NTM: variants seen among roughly 807,000 people sequenced by gnomAD.
The protein encoded by NTM is neurotrimin.
A neutral mutation model predicts 42.1 loss-of-function variants in NTM; 13 were observed. That is an observed-to-expected ratio of 0.31 (90% CI 0.20 to 0.49). The LOEUF (loss-of-function observed/expected upper bound fraction) is 0.49. NTM is among the 20% of genes least tolerant of loss of function. The pLI is 0.99. For synonymous variants in NTM, 187 were observed against 179.2 expected (o/e 1.04, Z -0.35); for missense variants, 373 against 452.8 (o/e 0.82, Z 1.60).
intron 1 of NTM, among the ~76,000 whole-genome samples, chr11:131,789,666 GAAA>G (rs1317660345): frequency 5.8e-5 from 7 of 119,790 alleles, no homozygotes; most frequent in African/African-American, 2.2e-4. Flanking sequence ...AGAAGAAGAA[GAAA>G]GCATGGGCCG....
chr11:131,454,451 T>G (rs1018820646), intron 1 of NTM, among the ~76,000 whole-genome samples: 1 of 152,094 alleles, frequency 6.6e-6, no homozygotes, highest in Non-Finnish European at 1.5e-5. Context: ...AAAGGCCACG[T>G]GTGGCAATGG....
At chr11:132,035,657 T>C (rs1448296789) in intron 2 of NTM, among the ~76,000 whole-genome samples, 1 of 152,048 alleles carries the variant, frequency 6.6e-6, no homozygotes, top group Non-Finnish European at 1.5e-5. Flanking sequence ...GAGGGGTGTG[T>C]GTGTGTGTAT....
chr11:132,052,120 G>A (rs2078937154), intron 2 of NTM, among the ~76,000 whole-genome samples: 1 of 152,090 alleles, frequency 6.6e-6, no homozygotes, highest in South Asian at 2.1e-4. Flanking sequence ...AAAATATTGG[G>A]GTGTTAAAGA....
intron 1 of NTM, among the ~76,000 whole-genome samples, chr11:131,640,372 G>A (rs928481021): frequency 3.9e-5 from 6 of 152,200 alleles, no homozygotes; most frequent in Admixed American, 3.3e-4. Context: ...AAAGGAAGAC[G>A]CAGCCTTTGT....
At chr11:132,241,839 C>A (rs2090256475) in intron 4 of NTM, among the ~76,000 whole-genome samples, 1 of 152,226 alleles carries the variant, frequency 6.6e-6, no homozygotes. Context: ...ATAGTACATT[C>A]ATCAAGCCCA....
intron 1 of NTM, among the ~76,000 whole-genome samples, chr11:131,858,407 A>AGCAGAGG (rs2046313471): frequency 1.3e-5 from 2 of 151,984 alleles, no homozygotes; most frequent in South Asian, 4.1e-4. Flanking sequence ...TTGGGCTAAG[A>AGCAGAGG]GCAGAGGGGA....
intron 1 of NTM, among the ~76,000 whole-genome samples, chr11:131,632,070 T>C (rs1309941068): frequency 1.3e-5 from 2 of 152,200 alleles, no homozygotes; most frequent in Non-Finnish European, 2.9e-5. Flanking sequence ...AGAGTACTTT[T>C]TAGATCTGCA....
rs532441627 is a variant in NTM, at chr11:131,668,427, C to T, written c.83-243137C>T. Among the ~76,000 whole-genome samples the T allele has an allele frequency of 5.8e-4, 88 of 152,186 alleles. 1 individual carries two copies. Among genetic ancestry groups the T allele is most frequent in the African/African-American group, 2.0e-3 (85 of 41,510 alleles). The stretch of plus-strand genomic sequence containing the variant: ...AACCTTGATTATATGTTACAAGTCC[C>T]TAAGTGGTTGGGCTGTGGCCCCTCA... On this transcript the variant is annotated intron_variant, in intron 1 of 8. Coordinates refer to ENST00000683400, the MANE Select transcript of NTM (RefSeq NM_001352005.2).
intron 1 of NTM, among the ~76,000 whole-genome samples, chr11:131,800,308 G>T (rs1328622465): frequency 2.6e-5 from 4 of 152,156 alleles, no homozygotes; most frequent in Non-Finnish European, 5.9e-5. Flanking sequence ...AACCAAGCAG[G>T]CTAAACGGTT....
intron 5 of NTM, 52 bp downstream of exon 5, chr11:132,307,875 G>A: frequency 1.3e-6 from 2 of 1,579,552 alleles, no homozygotes; most frequent in Admixed American, 3.4e-5. Flanking sequence ...CTGGCCTGTT[G>A]TCACAGCCAC....
intron 2 of NTM, among the ~76,000 whole-genome samples, chr11:132,079,553 A>G (rs747789698): frequency 3.9e-5 from 6 of 152,182 alleles, no homozygotes; most frequent in Admixed American, 6.5e-5. Flanking sequence ...TTTATTGGTA[A>G]CTTGGAGTTT....
intron 1 of NTM, among the ~76,000 whole-genome samples, chr11:131,402,413 A>G (rs1945346273): frequency 6.6e-6 from 1 of 151,366 alleles, no homozygotes; most frequent in Non-Finnish European, 1.5e-5. Flanking sequence ...AAAAAAACAA[A>G]TATTGGAGAA....
chr11:131,390,313 GC>G (rs1248392044), intron 1 of NTM, among the ~76,000 whole-genome samples: 1 of 152,066 alleles, frequency 6.6e-6, no homozygotes, highest in African/African-American at 2.4e-5. Context: ...TGAGGGATCT[GC>G]CCCCACGACC....
intron 1 of NTM, chr11:131,795,197 T>C (rs1201790407): frequency 1.5e-5 from 5 of 331,572 alleles, no homozygotes; most frequent in African/African-American, 1.1e-4. Context: ...TGGTGAAGGC[T>C]TACTCACGGC....
intron 1 of NTM, among the ~76,000 whole-genome samples, chr11:131,404,360 C>T (rs1044011981): frequency 6.6e-5 from 10 of 152,316 alleles, no homozygotes; most frequent in Middle Eastern, 3.4e-3. Context: ...AATTGTTCCT[C>T]TTGGCCTCCC....
chr11:132,108,826 A>C (rs1420127447), intron 2 of NTM, among the ~76,000 whole-genome samples: 8 of 152,054 alleles, frequency 5.3e-5, no homozygotes, highest in Admixed American at 1.3e-4. Flanking sequence ...TCTACGTTAG[A>C]TATTTCTCCT....
intron 1 of NTM, among the ~76,000 whole-genome samples, chr11:131,443,910 T>A (rs1949815588): frequency 6.6e-6 from 1 of 151,930 alleles, no homozygotes; most frequent in African/African-American, 2.4e-5. Context: ...TACATTTGAG[T>A]CTTCAGATAA....
chr11:131,684,977 C>T (rs1014617318), intron 1 of NTM, among the ~76,000 whole-genome samples: 2 of 152,304 alleles, frequency 1.3e-5, no homozygotes, highest in Non-Finnish European at 1.5e-5. Context: ...TGGCCCAGAG[C>T]CCAGAAGGAA....
chr11:131,377,120 C>T (rs942903316), intron 1 of NTM, among the ~76,000 whole-genome samples: 1 of 152,180 alleles, frequency 6.6e-6, no homozygotes, highest in African/African-American at 2.4e-5. Context: ...GGGAAGTAAC[C>T]AGCCCTCAAT....
Sources: gnomAD v4.1 joint callset for allele counts (sites outside exome capture counted in the v4.1 genomes callset) on GRCh38, gnomAD v4.1.1 for gene constraint, MANE v1.5 for transcripts, NCBI Gene and HGNC (gene_info 2026-07-23, HGNC 2026-07-21) for gene names.